Variants in PLBD1 observed in about 807,000 individuals in gnomAD.
PLBD1 encodes the protein lysosomal leucine aminopeptidase.
In PLBD1, 60 loss-of-function variants were observed where a neutral mutation model predicts 63.0. The ratio of observed to expected loss-of-function variants is 0.95; its 90% CI spans 0.77 to 1.18. The LOEUF (loss-of-function observed/expected upper bound fraction) is 1.18, where lower values mean the gene tolerates loss of function less well. Among genes scored for constraint, PLBD1 ranks in the 50% most tolerant of loss-of-function variants. The pLI, the probability that PLBD1 is intolerant of heterozygous loss-of-function variation, is 0.00. For missense variants in PLBD1, 598 were observed against 677.9 expected (o/e 0.88, Z 1.31); for synonymous variants, 262 against 248.0 (o/e 1.06, Z -0.53).
At position 14,564,772 on chromosome 12, in the gene PLBD1, CA is replaced by C. The variant is rs369550970; in HGVS notation, c.115+2809del. On this transcript the variant is annotated intron_variant, in intron 1 of 10. Coordinates refer to ENST00000240617, the MANE Select transcript of PLBD1 (RefSeq NM_024829.6). Reference sequence around the variant, plus strand: ...GGGCCAGATTCTGAACCAGTTTTACCAATATACATACCATATTATGAGTCTC... The same window carrying C: ...GGGCCAGATTCTGAACCAGTTTTACCATATACATACCATATTATGAGTCTC... 7.5e-4 allele frequency among the ~76,000 whole-genome samples: 114 copies of C among 152,252 alleles called. 1 individual carries two copies. In the East Asian group the frequency reaches 0.012, roughly 16 times the overall value.
intron 1 of PLBD1, among the ~76,000 whole-genome samples, chr12:14,562,271 A>C (rs1331212690): frequency 6.6e-6 from 1 of 152,028 alleles, no homozygotes; most frequent in Non-Finnish European, 1.5e-5. Flanking sequence ...CCACCTGCCC[A>C]ATATGGTGAA....
chr12:14,532,867 T>C (rs1206634328), intron 6 of PLBD1, among the ~76,000 whole-genome samples: 2 of 152,194 alleles, frequency 1.3e-5, no homozygotes, highest in African/African-American at 4.8e-5. Context: ...AGTCTCAGGA[T>C]GCTGGAGGGG....
At chr12:14,546,976 G>A (rs551522758) in intron 2 of PLBD1, among the ~76,000 whole-genome samples, 1 of 152,122 alleles carries the variant, frequency 6.6e-6, no homozygotes, top group Non-Finnish European at 1.5e-5. Flanking sequence ...TGCCACCGAG[G>A]TTCAAGCAAT....
At chr12:14,551,125 G>A (rs1945655861) in intron 2 of PLBD1, among the ~76,000 whole-genome samples, 1 of 152,102 alleles carries the variant, frequency 6.6e-6, no homozygotes, top group Non-Finnish European at 1.5e-5. Flanking sequence ...AGCACTTTGG[G>A]AGGACAAGGT....
chr12:14,505,313 C>T (rs1945245039), intron 10 of PLBD1, among the ~76,000 whole-genome samples: 2 of 151,978 alleles, frequency 1.3e-5, no homozygotes, highest in South Asian at 4.2e-4. Context: ...CACACTTTAC[C>T]CTGACAGGTT....
intron 9 of PLBD1, 139 bp downstream of exon 9, chr12:14,506,794 A>G (rs1037647476): frequency 6.0e-6 from 4 of 662,200 alleles, no homozygotes; most frequent in African/African-American, 5.5e-5. Context: ...TTGAGTATAA[A>G]ATGTACAATA....
Position 14,511,653 on chromosome 12 carries a change from C to T in PLBD1, c.903G>A (p.Gln301=), listed in dbSNP as rs548971052. 2.5e-6 allele frequency: 4 copies of T among 1,614,050 alleles called. No homozygotes were observed. In the African/African-American group the frequency reaches 4.0e-5, roughly 16 times the overall value. The change falls in exon 7 of 11, where the codon CAG becomes CAA. Residue 301 remains glutamine (Q), a synonymous_variant. Transcript: ENST00000240617. ...TTTTATTAAACACACTGTTTGTGGT[C>T]TGCAGCAATATCAATCCACTGCTAA... ...YILSSGLILL[Q]TTNSVFNKTL...
intron 6 of PLBD1, among the ~76,000 whole-genome samples, chr12:14,535,195 C>A (rs1459993583): frequency 6.6e-6 from 1 of 152,126 alleles, no homozygotes; most frequent in Non-Finnish European, 1.5e-5. Flanking sequence ...TAAACTTACA[C>A]ATTCATTCAT....
At chr12:14,521,798 AC>A (rs1323369726) in intron 6 of PLBD1, among the ~76,000 whole-genome samples, 3 of 152,204 alleles carry the variant, frequency 2.0e-5, no homozygotes, top group Non-Finnish European at 1.5e-5. Context: ...CCCATAACTG[AC>A]CTTAAAGAAA....
intron 8 of PLBD1, among the ~76,000 whole-genome samples, chr12:14,507,627 C>T (rs1284669340): frequency 6.6e-6 from 1 of 152,112 alleles, no homozygotes; most frequent in Admixed American, 6.5e-5. Context: ...CTTAGGCAGG[C>T]AACTTCATTT....
Position 14,550,809 on chromosome 12 carries a change from C to T in PLBD1, c.335+2384G>A, listed in dbSNP as rs186039590. On this transcript the variant is annotated intron_variant, in intron 2 of 10. Coordinates refer to ENST00000240617, the MANE Select transcript of PLBD1 (RefSeq NM_024829.6). ...AGAAAAATCTCCTGAACCCGGGAGG[C>T]GGAGGTTGCAGTGAACCGAGATCAC... Among the ~76,000 whole-genome samples the T allele has an allele frequency of 2.1e-3, 322 of 150,736 alleles. 3 individuals are homozygous for T. Among genetic ancestry groups the T allele is most frequent in the African/African-American group, 7.4e-3 (302 of 40,984 alleles).
chr12:14,545,896 A>C (rs1375619635), intron 2 of PLBD1, among the ~76,000 whole-genome samples: 1 of 152,160 alleles, frequency 6.6e-6, no homozygotes, highest in African/African-American at 2.4e-5. Context: ...TTATGCTGTC[A>C]CATACCTCTG....
chr12:14,512,471 G>A (rs1464060295), intron 6 of PLBD1, among the ~76,000 whole-genome samples: 1 of 152,080 alleles, frequency 6.6e-6, no homozygotes, highest in African/African-American at 2.4e-5. Context: ...TTTTATAAAT[G>A]GAAAAACATC....
chr12:14,504,278 GA>G (rs1945231694), intron 10 of PLBD1, among the ~76,000 whole-genome samples: 1 of 152,138 alleles, frequency 6.6e-6, no homozygotes, highest in African/African-American at 2.4e-5. Flanking sequence ...TCGAACTCCT[GA>G]TCTCAGGTGA....
At chr12:14,540,730 C>A in intron 4 of PLBD1, 34 bp downstream of exon 4, 1 of 1,532,742 alleles carries the variant, frequency 6.5e-7, no homozygotes, top group Admixed American at 1.9e-5. Context: ...TTACCATACT[C>A]TATAAATTCT....
chr12:14,511,673 T>G lies in PLBD1; in HGVS notation c.883A>C (p.Ser295Arg). 3 of 1,614,148 alleles carry G rather than the reference T, an allele frequency of 1.9e-6. No individual in the cohort carries two copies. The highest frequency in any genetic ancestry group is 2.5e-6 in the Non-Finnish European group (3 of 1,180,014). The change falls in exon 7 of 11, where the codon AGT becomes CGT. Residue 295 changes from serine to arginine, a missense_variant. By Grantham distance (110) the Ser-to-Arg change is moderately radical. Transcript: ENST00000240617. Reference sequence around the variant, plus strand: ...GTGGTCTGCAGCAATATCAATCCACTGCTAAGAATGTAAAAATCATCCAGA... The same window carrying G: ...GTGGTCTGCAGCAATATCAATCCACGGCTAAGAATGTAAAAATCATCCAGA... ...ESLDDFYILS[S>R]GLILLQTTNS...
intron 2 of PLBD1, 125 bp from the exon 3 acceptor site, chr12:14,542,416 TTTTTCCTTAATAAATG>T: frequency 1.5e-6 from 1 of 663,186 alleles, no homozygotes; most frequent in Non-Finnish European, 2.6e-6. Flanking sequence ...TACTATCTTT[TTTTTCCTTAATAAATG>T]CACAGTTTCA....
chr12:14,512,156 T>A (rs2136906115), intron 6 of PLBD1, among the ~76,000 whole-genome samples: 1 of 151,378 alleles, frequency 6.6e-6, no homozygotes, highest in East Asian at 1.9e-4. Flanking sequence ...AGTCTACTTT[T>A]TTTTTTTTTT....
intron 6 of PLBD1, among the ~76,000 whole-genome samples, chr12:14,524,299 T>C (rs1945400321): frequency 6.6e-6 from 1 of 152,068 alleles, no homozygotes; most frequent in Admixed American, 6.6e-5. Context: ...AGAAGAGAGA[T>C]TTTTGAATGT....
Sources: allele counts gnomAD v4.1 joint callset (sites outside exome capture counted in the v4.1 genomes callset), GRCh38; gene constraint gnomAD v4.1.1; transcripts MANE v1.5; gene names NCBI Gene and HGNC (gene_info 2026-07-23, HGNC 2026-07-21).